The following TRIM44 variants were observed in gnomAD, a reference collection of about 807,000 sequenced individuals.
TRIM44 encodes the protein tripartite motif-containing protein 44.
Under a neutral mutation model 37.4 loss-of-function variants are expected in TRIM44, and 13 were observed. The ratio of observed to expected loss-of-function variants is 0.35; its 90% CI spans 0.23 to 0.55. TRIM44 has a LOEUF of 0.55. TRIM44 is among the 20% of genes least tolerant of loss of function. The probability of loss-of-function intolerance (pLI) is 0.89; values close to 1 mark genes in which losing one functional copy is unlikely to be tolerated. For missense variants in TRIM44, 426 were observed against 437.2 expected, an observed-to-expected ratio of 0.97 and a Z score of 0.23; for synonymous variants, 175 against 157.2, an observed-to-expected ratio of 1.11 and a Z score of -0.85.
At chr11:35,685,169 C>A in intron 1 of TRIM44, 90 bp from the exon 2 acceptor site, 1 of 1,088,874 alleles carries the variant, frequency 9.2e-7, no homozygotes, top group Non-Finnish European at 1.4e-6. Context: ...GAAAAAATTG[C>A]TTTCTATTTC....
rs1353023469 is a variant in TRIM44, at chr11:35,808,474, G to A, written c.*2089G>A. 2 of 152,156 alleles carry A rather than the reference G, an allele frequency of 1.3e-5. No individual in the cohort carries two copies. Among genetic ancestry groups the A allele is most frequent in the Non-Finnish European group, 2.9e-5 (2 of 68,014 alleles). 9.4% of individuals were successfully genotyped at this position (152,156 alleles called of 1,614,324 possible). On this transcript the variant is annotated 3_prime_UTR_variant, in exon 5 of 5. Coordinates refer to ENST00000299413, the MANE Select transcript of TRIM44 (RefSeq NM_017583.6). ...ATAATCATTGTTTGATCTCCAAATA[G>A]TAGCCTTATATTAGCAATAGACAGA...
At chr11:35,796,708 G>A (rs923923845) in intron 4 of TRIM44, among the ~76,000 whole-genome samples, 4 of 152,144 alleles carry the variant, frequency 2.6e-5, no homozygotes, top group Non-Finnish European at 5.9e-5. Context: ...ACTGGGGGGA[G>A]GAAAGGGAAG....
chr11:35,773,538 T>C (rs182927731), intron 4 of TRIM44, among the ~76,000 whole-genome samples: 15 of 152,272 alleles, frequency 9.9e-5, no homozygotes, highest in African/African-American at 3.6e-4. Flanking sequence ...TTGTTACATA[T>C]ATATACATGT....
At chr11:35,805,178 G>GA (rs1175770520) in intron 4 of TRIM44, among the ~76,000 whole-genome samples, 1 of 152,070 alleles carries the variant, frequency 6.6e-6, no homozygotes, top group Admixed American at 6.6e-5. Context: ...TTTTCATCTG[G>GA]AAAACGGGGG....
intron 4 of TRIM44, among the ~76,000 whole-genome samples, chr11:35,800,732 G>A (rs1427704874): frequency 6.6e-6 from 1 of 152,200 alleles, no homozygotes; most frequent in Non-Finnish European, 1.5e-5. Flanking sequence ...ATAGAGAGGG[G>A]CACAGGAAGC....
At chr11:35,744,834 T>A (rs892276770) in intron 4 of TRIM44, among the ~76,000 whole-genome samples, 1 of 152,190 alleles carries the variant, frequency 6.6e-6, no homozygotes, top group Non-Finnish European at 1.5e-5. Flanking sequence ...GGTTTTCTGT[T>A]CCTATGTTAG....
chr11:35,741,709 T>C (rs756466893), intron 4 of TRIM44, among the ~76,000 whole-genome samples: 4 of 152,176 alleles, frequency 2.6e-5, no homozygotes, highest in African/African-American at 4.8e-5. Flanking sequence ...TCGGAACTTA[T>C]CAGGATAACA....
chr11:35,723,037 C>G (rs1262498754), intron 2 of TRIM44, among the ~76,000 whole-genome samples: 1 of 151,958 alleles, frequency 6.6e-6, no homozygotes, highest in Admixed American at 6.6e-5. Context: ...CTGTCTCTCT[C>G]TACCTCCCTC....
intron 4 of TRIM44, among the ~76,000 whole-genome samples, chr11:35,748,686 C>A (rs1040072373): frequency 3.3e-5 from 5 of 152,100 alleles, no homozygotes; most frequent in African/African-American, 1.2e-4. Flanking sequence ...AATATTTTTT[C>A]TAGTAAAACA....
At chr11:35,742,248 T>C (rs1335463253) in intron 4 of TRIM44, among the ~76,000 whole-genome samples, 3 of 151,584 alleles carry the variant, frequency 2.0e-5, no homozygotes, top group Non-Finnish European at 4.4e-5. Context: ...TAGCCAGCAA[T>C]TTAAATTTTA....
intron 1 of TRIM44, among the ~76,000 whole-genome samples, chr11:35,672,568 A>C (rs1414058117): frequency 6.6e-6 from 1 of 152,180 alleles, no homozygotes; most frequent in African/African-American, 2.4e-5. Flanking sequence ...TTTAAGATGG[A>C]TATTTGGGGA....
At chr11:35,680,445 G>T (rs1244301201) in intron 1 of TRIM44, among the ~76,000 whole-genome samples, 1 of 145,272 alleles carries the variant, frequency 6.9e-6, no homozygotes, top group African/African-American at 2.5e-5. Flanking sequence ...GCAAGGTTTT[G>T]TTTTTTTTTT....
chr11:35,777,618 G>C (rs1219423037), intron 4 of TRIM44, among the ~76,000 whole-genome samples: 1 of 152,116 alleles, frequency 6.6e-6, no homozygotes, highest in African/African-American at 2.4e-5. Context: ...CATGTTTAAT[G>C]CTTCCTTCAG....
intron 4 of TRIM44, among the ~76,000 whole-genome samples, chr11:35,756,322 A>G (rs1342006617): frequency 6.6e-6 from 1 of 152,122 alleles, no homozygotes; most frequent in Non-Finnish European, 1.5e-5. Context: ...TTATTGGTGT[A>G]TAAGAATGCT....
rs555659717 is a variant in TRIM44, at chr11:35,817,517, T to G, written c.*11132T>G. Reference sequence around the variant, plus strand: ...TTCCTCTAAGAGTCCCAAGTCATCTTTTTTCTCTCCGTGTGTGTTAGCATT... The same window carrying G: ...TTCCTCTAAGAGTCCCAAGTCATCTGTTTTCTCTCCGTGTGTGTTAGCATT... On this transcript the variant is annotated 3_prime_UTR_variant, in exon 5 of 5. Transcript: ENST00000299413. 2.6e-5 allele frequency: 4 copies of G among 152,200 alleles called. No individual in the cohort carries two copies. Among genetic ancestry groups the G allele is most frequent in the Non-Finnish European group, 5.9e-5 (4 of 68,040 alleles). 9.4% of individuals were successfully genotyped at this position (152,200 alleles called of 1,614,324 possible).
chr11:35,664,312 G>A (rs182157599), intron 1 of TRIM44, among the ~76,000 whole-genome samples: 2 of 152,306 alleles, frequency 1.3e-5, no homozygotes, highest in South Asian at 2.1e-4. Context: ...AGAAAAGGAG[G>A]GTAAGAAGAT....
intron 1 of TRIM44, among the ~76,000 whole-genome samples, chr11:35,674,235 C>CGTATGTGTGTGTGTGTGTGT (rs1554924872): frequency 1.3e-5 from 2 of 149,880 alleles, no homozygotes; most frequent in African/African-American, 2.5e-5. Context: ...AGAGAATTTG[C>CGTATGTGTGTGTGTGTGTGT]GTGTGTGTGT....
intron 2 of TRIM44, among the ~76,000 whole-genome samples, chr11:35,705,439 C>A (rs903138330): frequency 5.9e-5 from 9 of 152,104 alleles, no homozygotes; most frequent in African/African-American, 1.9e-4. Flanking sequence ...AATTCTCCAC[C>A]CCAAATCAAC....
At chr11:35,748,093 C>T (rs530358922) in intron 4 of TRIM44, among the ~76,000 whole-genome samples, 1 of 152,078 alleles carries the variant, frequency 6.6e-6, no homozygotes, top group South Asian at 2.1e-4. Context: ...TAAGGAATCG[C>T]CTGAGGAAAG....
Sources: allele counts gnomAD v4.1 joint callset (sites outside exome capture counted in the v4.1 genomes callset), GRCh38; gene constraint gnomAD v4.1.1; transcripts MANE v1.5; gene names NCBI Gene and HGNC (gene_info 2026-07-23, HGNC 2026-07-21).